RYR3: variants seen among roughly 807,000 people sequenced by gnomAD.
RYR3 encodes brain ryanodine receptor-calcium release channel.
A neutral mutation model predicts 584.3 loss-of-function variants in RYR3; 207 were observed. The observed-to-expected ratio is 0.35, with a 90% CI of 0.32 to 0.40. The LOEUF (loss-of-function observed/expected upper bound fraction) is 0.40, where lower values mean the gene tolerates loss of function less well. Ranked by LOEUF, RYR3 falls within the 10% of genes least tolerant of loss-of-function variation. RYR3 has a pLI of 1.00. For missense variants in RYR3, 5,616 were observed against 6,089.2 expected (o/e 0.92, Z 2.59); for synonymous variants, 2,416 against 2,248.5 (o/e 1.07, Z -2.11).
rs1412001177 is a variant in RYR3 at position 33,788,326 on chromosome 15, A to C, written c.9698A>C (p.Glu3233Ala). 6.2e-7 allele frequency: 1 copy of C among 1,613,992 alleles called. No homozygotes were observed. Among genetic ancestry groups the C allele is most frequent in the Non-Finnish European group, 8.5e-7 (1 of 1,179,878 alleles). The change falls in exon 67 of 104, where the codon GAG (glutamate) becomes GCG (alanine). Residue 3233 changes from glutamate to alanine, a missense_variant. Physicochemically the swap from Glu to Ala is moderately radical, Grantham distance 107 (BLOSUM62 -1). Around this residue, in one of 9 missense-constraint regions of RYR3, gnomAD observed 954 missense variants for 1,132.2 expected, o/e 0.84. Coordinates refer to ENST00000634891, the MANE Select transcript of RYR3 (RefSeq NM_001036.6). ...KKKAVKTVQE[E>A]EQLKADGKGD... The stretch of plus-strand genomic sequence containing the variant: ...AAGGCTGTCAAGACGGTGCAGGAGG[A>C]GGAGCAGTTGAAAGCCGATGGCAAA...
rs533858945 is a variant in RYR3, at chr15:33,702,295, T to C, written c.6483+1215T>C. Among the ~76,000 whole-genome samples, 5 of 152,276 alleles carry C rather than the reference T, an allele frequency of 3.3e-5. No individual in the cohort carries two copies. In the East Asian group the frequency reaches 5.8e-4, roughly 18 times the overall value. The stretch of plus-strand genomic sequence containing the variant: ...AAGGGGCAACACGATACAATTCATA[T>C]TTTAGAAAACACCCCAGTTTCAGTA... On this transcript the variant is annotated intron_variant, in intron 42 of 103. Coordinates refer to ENST00000634891, the MANE Select transcript of RYR3 (RefSeq NM_001036.6).
In RYR3 at chr15:33,837,962, G is replaced by C; in HGVS notation, c.11982G>C (p.Val3994=). The C allele has an allele frequency of 3.7e-6, 6 of 1,613,962 alleles. No homozygotes were observed. The highest frequency in any genetic ancestry group is 4.2e-6 in the Non-Finnish European group (5 of 1,179,890). The change falls in exon 89 of 104, where the codon GTG becomes GTC. Residue 3994 remains valine, a synonymous_variant. Transcript: ENST00000634891. ...CAGCCAAGGACATAGGGTTTAATGTGGCTGTGTTATTGACAAATCTTTCTG... is the reference window on the plus strand; with the variant it reads ...CAGCCAAGGACATAGGGTTTAATGTCGCTGTGTTATTGACAAATCTTTCTG... ...HEPAKDIGFN[V]AVLLTNLSEH...
Position 33,827,233 on chromosome 15 carries a change from C to T in RYR3, c.11280C>T (p.Asn3760=), listed in dbSNP as rs1280770994. The T allele has an allele frequency of 1.3e-6, 2 of 1,552,282 alleles. No homozygotes were observed. Among genetic ancestry groups the T allele is most frequent in the Non-Finnish European group, 8.7e-7 (1 of 1,147,450 alleles). ...FQNFLRTQMG[N]TTTVNVIIST... ...ACTTCCTGCGGACTCAGATGGGCAA[C>T]ACCACCACCGTGAATGTCATCATCA... The change falls in exon 85 of 104, where the codon AAC becomes AAT. Residue 3760 remains asparagine (N), a synonymous_variant. Coordinates refer to ENST00000634891, the MANE Select transcript of RYR3 (RefSeq NM_001036.6).
intron 12 of RYR3, among the ~76,000 whole-genome samples, chr15:33,567,709 C>G (rs1370552539): frequency 6.6e-6 from 1 of 152,116 alleles, no homozygotes; most frequent in African/African-American, 2.4e-5. Flanking sequence ...AAAGTTCATC[C>G]CTGGACCAGA....
intron 60 of RYR3, among the ~76,000 whole-genome samples, chr15:33,761,943 G>C (rs981764344): frequency 2.0e-5 from 3 of 152,106 alleles, no homozygotes; most frequent in Non-Finnish European, 4.4e-5. Context: ...GGGATCCAAG[G>C]CTGGTTCAAC....
intron 67 of RYR3, among the ~76,000 whole-genome samples, chr15:33,789,170 G>A (rs188712736): frequency 1.3e-5 from 2 of 152,124 alleles, no homozygotes; most frequent in Non-Finnish European, 2.9e-5. Context: ...GCAGAGGGAG[G>A]GGTGGGGAAG....
intron 18 of RYR3, among the ~76,000 whole-genome samples, chr15:33,605,370 CT>C (rs1470812575): frequency 1.3e-5 from 2 of 152,194 alleles, no homozygotes; most frequent in Non-Finnish European, 2.9e-5. Flanking sequence ...CTCATCCCTC[CT>C]GTCTCCTCTG....
At chr15:33,409,113 A>T (rs1169569514) in intron 1 of RYR3, among the ~76,000 whole-genome samples, 1 of 152,166 alleles carries the variant, frequency 6.6e-6, no homozygotes, top group Non-Finnish European at 1.5e-5. Context: ...TGACAGGCAG[A>T]GGATTTCTAT....
chr15:33,573,509 G>A (rs1340639531), intron 12 of RYR3, among the ~76,000 whole-genome samples: 1 of 152,222 alleles, frequency 6.6e-6, no homozygotes, highest in Non-Finnish European at 1.5e-5. Context: ...CTGTCCAGTA[G>A]AATGAACAGT....
intron 17 of RYR3, among the ~76,000 whole-genome samples, chr15:33,602,182 G>A (rs942093168): frequency 2.0e-5 from 3 of 152,238 alleles, no homozygotes; most frequent in Non-Finnish European, 4.4e-5. Flanking sequence ...CCTCTGAAGT[G>A]CAGAGTGGCC....
At chr15:33,642,753 G>T (rs185664491) in intron 27 of RYR3, among the ~76,000 whole-genome samples, 1 of 152,292 alleles carries the variant, frequency 6.6e-6, no homozygotes. Flanking sequence ...TAGTGCTCAG[G>T]ATGTTACATG....
At chr15:33,451,372 G>A (rs139101037) in intron 1 of RYR3, among the ~76,000 whole-genome samples, 1 of 152,166 alleles carries the variant, frequency 6.6e-6, no homozygotes, top group Non-Finnish European at 1.5e-5. Context: ...GATAGAGGCT[G>A]GACAGTATAA....
At chr15:33,828,913 A>T (rs2077515574) in intron 85 of RYR3, among the ~76,000 whole-genome samples, 2 of 150,836 alleles carry the variant, frequency 1.3e-5, no homozygotes, top group South Asian at 4.2e-4. Flanking sequence ...TAGGACTTTC[A>T]TAGTTAGAGA....
At chr15:33,328,033 G>A (rs952909089) in intron 1 of RYR3, among the ~76,000 whole-genome samples, 8 of 152,206 alleles carry the variant, frequency 5.3e-5, no homozygotes, top group Non-Finnish European at 1.0e-4. Flanking sequence ...GTCTGTATGT[G>A]TGCCTGAAAT....
At chr15:33,724,635 A>T (rs1567029607) in intron 45 of RYR3, among the ~76,000 whole-genome samples, 2 of 152,134 alleles carry the variant, frequency 1.3e-5, no homozygotes, top group Non-Finnish European at 2.9e-5. Context: ...TCACAAAAGG[A>T]TGGTTCTATT....
chr15:33,855,204 C>CTT (rs201635608), intron 98 of RYR3, among the ~76,000 whole-genome samples: 15 of 147,530 alleles, frequency 1.0e-4, no homozygotes, highest in African/African-American at 2.2e-4. Context: ...CCTTGGAGAT[C>CTT]TTTTTTTTTT....
intron 67 of RYR3, among the ~76,000 whole-genome samples, chr15:33,796,032 G>C (rs914676438): frequency 6.6e-6 from 1 of 152,202 alleles, no homozygotes; most frequent in Non-Finnish European, 1.5e-5. Context: ...TTGGAACAAA[G>C]CTGAAAAAAG....
intron 93 of RYR3, among the ~76,000 whole-genome samples, chr15:33,845,915 G>T (rs1468807647): frequency 1.3e-5 from 2 of 152,194 alleles, no homozygotes; most frequent in Admixed American, 6.5e-5. Flanking sequence ...TCTGTGAGAT[G>T]ACTGGCACAT....
At chr15:33,812,812 T>C (rs2076621517) in intron 72 of RYR3, 51 bp from the exon 73 acceptor site, 1 of 1,585,424 alleles carries the variant, frequency 6.3e-7, no homozygotes. Context: ...GCTTCTTCAG[T>C]ATAAGAAGTA....
Sources: gnomAD v4.1 joint callset for allele counts (sites outside exome capture counted in the v4.1 genomes callset) on GRCh38, gnomAD v4.1.1 for gene constraint, gnomAD v4.1.1 regional missense constraint, MANE v1.5 for transcripts, NCBI Gene and HGNC (gene_info 2026-07-23, HGNC 2026-07-21) for gene names.